KLHL20: variants seen among roughly 807,000 people sequenced by gnomAD.
KLHL20 encodes the protein kelch-like protein 20.
In KLHL20, 29 loss-of-function variants were observed where a neutral mutation model predicts 69.5. The observed-to-expected ratio is 0.42, with a 90% CI of 0.31 to 0.57. The LOEUF (loss-of-function observed/expected upper bound fraction) is 0.57, where lower values mean the gene tolerates loss of function less well. Ranked by LOEUF, KLHL20 falls within the 20% of genes least tolerant of loss-of-function variation. The probability of loss-of-function intolerance (pLI) is 0.18; values close to 1 mark genes in which losing one functional copy is unlikely to be tolerated. For missense variants in KLHL20, 419 were observed against 776.0 expected, an observed-to-expected ratio of 0.54 and a Z score of 5.47; for synonymous variants, 253 against 265.2, an observed-to-expected ratio of 0.95 and a Z score of 0.45.
chr1:173,758,616 C>G (rs1307564434), intron 7 of KLHL20, among the ~76,000 whole-genome samples: 1 of 152,222 alleles, frequency 6.6e-6, no homozygotes, highest in African/African-American at 2.4e-5. Context: ...ACTGGAGAAG[C>G]TGAAGGTCTG....
chr1:173,733,198 T>C (rs1244872091), intron 2 of KLHL20, among the ~76,000 whole-genome samples: 1 of 152,014 alleles, frequency 6.6e-6, no homozygotes, highest in Non-Finnish European at 1.5e-5. Context: ...TTTTCTGTAA[T>C]TTTAGTAGAG....
intron 2 of KLHL20, among the ~76,000 whole-genome samples, chr1:173,728,480 CA>C (rs1558183944): frequency 6.6e-6 from 1 of 152,110 alleles, no homozygotes. Flanking sequence ...CAAAACTGAC[CA>C]CATAGTTGGA....
intron 3 of KLHL20, among the ~76,000 whole-genome samples, chr1:173,748,589 C>T (rs1389389228): frequency 6.6e-6 from 1 of 152,128 alleles, no homozygotes; most frequent in Non-Finnish European, 1.5e-5. Context: ...ACCAAATCCA[C>T]TTTCCAAAAA....
chr1:173,751,561 C>G (rs1673315128), intron 3 of KLHL20, among the ~76,000 whole-genome samples: 2 of 152,064 alleles, frequency 1.3e-5, no homozygotes, highest in African/African-American at 4.8e-5. Context: ...TTGCTTGACT[C>G]ACAAATGATT....
Position 173,751,929 on chromosome 1 carries a change from A to T in KLHL20, c.756+7A>T. On this transcript the variant is annotated splice_region_variant and intron_variant, in intron 4 of 11. Coordinates refer to ENST00000209884, the MANE Select transcript of KLHL20 (RefSeq NM_014458.4). ...ACGTCCTCAATTACCCCAGGTAATG[A>T]TAGAAATTCTTCTCTAAGAAACTGC... 2 of 1,612,254 alleles carry T rather than the reference A, an allele frequency of 1.2e-6. No homozygotes were observed. The highest frequency in any genetic ancestry group is 1.7e-6 in the Non-Finnish European group (2 of 1,178,898).
intron 7 of KLHL20, among the ~76,000 whole-genome samples, chr1:173,760,536 A>G (rs553307087): frequency 4.6e-5 from 7 of 152,332 alleles, no homozygotes; most frequent in East Asian, 1.9e-4. Context: ...GAAACCCTAT[A>G]AGCTAGAAGG....
intron 2 of KLHL20, among the ~76,000 whole-genome samples, chr1:173,732,575 GTTAC>G (rs1339511540): frequency 6.6e-6 from 1 of 152,088 alleles, no homozygotes; most frequent in East Asian, 1.9e-4. Context: ...AATGTATGCT[GTTAC>G]TTTCTATTTC....
At chr1:173,715,188 C>T (rs1226231969) in intron 1 of KLHL20, 110 bp downstream of exon 1, 2 of 152,326 alleles carry the variant, frequency 1.3e-5, no homozygotes, top group Non-Finnish European at 2.9e-5. Flanking sequence ...TCAGGTCGGT[C>T]GCCTGTCAGT....
At chr1:173,752,044 T>A in intron 4 of KLHL20, 122 bp downstream of exon 4, 2 of 816,394 alleles carry the variant, frequency 2.4e-6, no homozygotes, top group Non-Finnish European at 3.8e-6. Flanking sequence ...GAGACCATCC[T>A]GGCCAACATG....
chr1:173,786,304 C>T lies in KLHL20; in HGVS notation c.*1057C>T, dbSNP rs2102547387. 1 of 152,700 alleles carries T rather than the reference C, an allele frequency of 6.5e-6. No homozygotes were observed. The highest frequency in any genetic ancestry group is 2.4e-5 in the African/African-American group (1 of 41,554). The allele number at this position is 152,700 out of a possible 1,614,324, so 9.5% of individuals were successfully genotyped here. A position where few individuals can be genotyped will look rare whatever the true frequency, so the allele number is the denominator to read the frequency against. On this transcript the variant is annotated 3_prime_UTR_variant, in exon 12 of 12. Coordinates refer to ENST00000209884, the MANE Select transcript of KLHL20 (RefSeq NM_014458.4). Reference sequence around the variant, plus strand: ...TAATATCTTGGTTCTTTTATACAAACAATGTATCATTATCTTCATTCTATA... The same window carrying T: ...TAATATCTTGGTTCTTTTATACAAATAATGTATCATTATCTTCATTCTATA...
At chr1:173,728,224 A>G (rs530401912) in intron 2 of KLHL20, among the ~76,000 whole-genome samples, 1 of 152,246 alleles carries the variant, frequency 6.6e-6, no homozygotes, top group Non-Finnish European at 1.5e-5. Context: ...CCAATACAGG[A>G]GCATCCAGAT....
At chr1:173,719,429 G>A (rs1337627881) in intron 2 of KLHL20, among the ~76,000 whole-genome samples, 1 of 151,924 alleles carries the variant, frequency 6.6e-6, no homozygotes, top group African/African-American at 2.4e-5. Context: ...TGGCCAAGAT[G>A]GTGAAACCCC....
intron 7 of KLHL20, among the ~76,000 whole-genome samples, chr1:173,758,127 A>G (rs1030307875): frequency 2.6e-5 from 4 of 151,960 alleles, no homozygotes; most frequent in African/African-American, 9.7e-5. Flanking sequence ...AAAATTTACT[A>G]GTTGTAGTGG....
chr1:173,750,174 G>C (rs1162084954), intron 3 of KLHL20, among the ~76,000 whole-genome samples: 1 of 152,124 alleles, frequency 6.6e-6, no homozygotes, highest in Non-Finnish European at 1.5e-5. Context: ...CTCTCACTCA[G>C]ATGGTTTGCA....
At chr1:173,773,300 T>C (rs1392985165) in intron 8 of KLHL20, among the ~76,000 whole-genome samples, 2 of 150,972 alleles carry the variant, frequency 1.3e-5, no homozygotes, top group Non-Finnish European at 3.0e-5. Flanking sequence ...TTTTTAAGTC[T>C]CAGCCAGACA....
intron 8 of KLHL20, among the ~76,000 whole-genome samples, 198 bp downstream of exon 8, chr1:173,766,487 A>AAAAATAC: frequency 6.6e-6 from 1 of 151,374 alleles, no homozygotes; most frequent in African/African-American, 2.4e-5. Context: ...TACAAAAAAA[A>AAAAATAC]AAAAAAAAAT....
chr1:173,785,367 A>G lies in KLHL20; in HGVS notation c.*120A>G, dbSNP rs6692452. ...TTATTATTTGCCGGTGCCTCAACAA[A>G]TGGAAATACAATCCAATGAAAGTAC... On this transcript the variant is annotated 3_prime_UTR_variant, in exon 12 of 12. Transcript: ENST00000209884. 18,274 of 511,360 alleles carry G rather than the reference A, an allele frequency of 0.036. 2,483 individuals are homozygous for G. The highest frequency in any genetic ancestry group is 0.31 in the African/African-American group (15,360 of 49,786). 31.7% of individuals were successfully genotyped at this position (511,360 alleles called of 1,614,324 possible).
chr1:173,765,372 G>T (rs1282069574), intron 7 of KLHL20, among the ~76,000 whole-genome samples: 1 of 151,994 alleles, frequency 6.6e-6, no homozygotes, highest in South Asian at 2.1e-4. Flanking sequence ...GTGTGGTGGC[G>T]GGCGCCTGTA....
intron 6 of KLHL20, 96 bp from the exon 7 acceptor site, chr1:173,756,880 T>G: frequency 8.1e-5 from 90 of 1,104,922 alleles, no homozygotes; most frequent in Non-Finnish European, 1.0e-4. Flanking sequence ...AGACATTTGG[T>G]GAGTCTAAGC....
Sources: gnomAD v4.1 joint callset for allele counts (sites outside exome capture counted in the v4.1 genomes callset) on GRCh38, gnomAD v4.1.1 for gene constraint, MANE v1.5 for transcripts, NCBI Gene and HGNC (gene_info 2026-07-23, HGNC 2026-07-21) for gene names.